The following SLC25A13 variants were observed in gnomAD, a reference collection of about 807,000 sequenced individuals.
The protein encoded by SLC25A13 is solute carrier family 25 member 13.
Under a neutral mutation model 85.5 loss-of-function variants are expected in SLC25A13, and 70 were observed. The ratio of observed to expected loss-of-function variants is 0.82; its 90% CI spans 0.68 to 1.00. SLC25A13 has a LOEUF of 1.00. Ranked by LOEUF, SLC25A13 falls within the 50% of genes least tolerant of loss-of-function variation. The pLI is 0.00. For synonymous variants in SLC25A13, 259 were observed against 288.7 expected (o/e 0.90, Z 1.04); for missense variants, 765 against 819.8 (o/e 0.93, Z 0.82).
chr7:96,318,435 C>T (rs11975076), intron 1 of SLC25A13, among the ~76,000 whole-genome samples: 96,777 of 152,014 alleles, frequency 0.64, 31,175 homozygotes, highest in Non-Finnish European at 0.67. Flanking sequence ...ACAACGCAAA[C>T]AGTACAGGCA....
At chr7:96,293,921 C>A (rs189120014) in intron 2 of SLC25A13, among the ~76,000 whole-genome samples, 29 of 152,262 alleles carry the variant, frequency 1.9e-4, no homozygotes, top group Admixed American at 3.3e-4. Context: ...CCAGCAATCC[C>A]ATTACTGGGT....
intron 4 of SLC25A13, among the ~76,000 whole-genome samples, chr7:96,212,772 C>T (rs939814000): frequency 1.2e-4 from 18 of 152,194 alleles, no homozygotes; most frequent in African/African-American, 3.9e-4. Flanking sequence ...GGGCATGATG[C>T]TATGTTTATG....
rs755341414 is a variant in SLC25A13 at position 96,296,851 on chromosome 7, T to C, written c.69+47A>G. 6.0e-6 allele frequency: 9 copies of C among 1,508,836 alleles called. No individual in the cohort carries two copies. In the Admixed American group the frequency reaches 6.8e-5, roughly 11 times the overall value. 93.5% of individuals were successfully genotyped at this position (1,508,836 alleles called of 1,614,324 possible). ...GTTTGAAAATAATATTTAAAAGTTATAGAACACAAATCAAACAAGAAACAA... is the reference window on the plus strand; with the variant it reads ...GTTTGAAAATAATATTTAAAAGTTACAGAACACAAATCAAACAAGAAACAA... On this transcript the variant is annotated intron_variant, in intron 2 of 17. Coordinates refer to ENST00000265631, the MANE Select transcript of SLC25A13 (RefSeq NM_014251.3).
intron 5 of SLC25A13, among the ~76,000 whole-genome samples, chr7:96,205,098 T>A (rs1458166605): frequency 1.3e-5 from 2 of 152,070 alleles, no homozygotes; most frequent in Non-Finnish European, 1.5e-5. Context: ...TTGGTAGAGA[T>A]GGGGTTTCAC....
intron 3 of SLC25A13, among the ~76,000 whole-genome samples, chr7:96,261,300 A>G (rs1355986118): frequency 3.9e-5 from 6 of 152,186 alleles, no homozygotes; most frequent in African/African-American, 7.2e-5. Context: ...ATAAAAGCAC[A>G]CTGTTTAGAA....
In SLC25A13 at chr7:96,184,311, C is replaced by T. The variant is rs2116629012; in HGVS notation, c.1143G>A (p.Val381=). The change falls in exon 11 of 18, where the codon GTG becomes GTA. Residue 381 remains valine, a synonymous_variant. Coordinates refer to ENST00000265631, the MANE Select transcript of SLC25A13 (RefSeq NM_014251.3). The stretch of plus-strand genomic sequence containing the variant: ...GTCCAAAGAAGCCTTCATAGCGTAG[C>T]ACTTTCTTAAAACAGTCAAAGCTGT... ...YKNSFDCFKK[V]LRYEGFFGLY... 1 of 1,614,174 alleles carries T rather than the reference C, an allele frequency of 6.2e-7. No homozygotes were observed. Among genetic ancestry groups the T allele is most frequent in the Non-Finnish European group, 8.5e-7 (1 of 1,180,030 alleles).
At chr7:96,124,516 T>C (rs967877760) in intron 15 of SLC25A13, among the ~76,000 whole-genome samples, 1 of 152,254 alleles carries the variant, frequency 6.6e-6, no homozygotes, top group Non-Finnish European at 1.5e-5. Context: ...TTATAAAATA[T>C]GCCTGTGTGC....
chr7:96,152,523 T>C (rs916860525), intron 13 of SLC25A13, among the ~76,000 whole-genome samples: 1 of 150,774 alleles, frequency 6.6e-6, no homozygotes, highest in Non-Finnish European at 1.5e-5. Flanking sequence ...GCAAAAAGAG[T>C]GGGTAAGCTC....
intron 14 of SLC25A13, among the ~76,000 whole-genome samples, chr7:96,141,096 C>T (rs1409545970): frequency 1.3e-5 from 2 of 148,320 alleles, no homozygotes; most frequent in Non-Finnish European, 3.0e-5. Flanking sequence ...TCATATAGCT[C>T]ACCGCAGCCT....
chr7:96,280,535 G>A (rs1199117030), intron 2 of SLC25A13, among the ~76,000 whole-genome samples: 1 of 152,076 alleles, frequency 6.6e-6, no homozygotes, highest in Non-Finnish European at 1.5e-5. Context: ...GGGCAAGATG[G>A]CGGAACTCCA....
intron 3 of SLC25A13, among the ~76,000 whole-genome samples, chr7:96,241,032 A>AAAAAG (rs1379443136): frequency 1.9e-4 from 18 of 92,378 alleles, no homozygotes; most frequent in African/African-American, 6.8e-4. Flanking sequence ...AAGAAAAGAA[A>AAAAAG]GAAAGGAAAG....
intron 3 of SLC25A13, among the ~76,000 whole-genome samples, chr7:96,272,543 C>T (rs1798283193): frequency 6.6e-6 from 1 of 152,096 alleles, no homozygotes; most frequent in East Asian, 1.9e-4. Context: ...AAAGTGATTT[C>T]CAGGTCAAAG....
chr7:96,318,722 G>A (rs188985001), intron 1 of SLC25A13, among the ~76,000 whole-genome samples: 6 of 152,310 alleles, frequency 3.9e-5, no homozygotes, highest in Admixed American at 1.3e-4. Flanking sequence ...ACCAAAGAAA[G>A]AAACAGATCA....
intron 3 of SLC25A13, among the ~76,000 whole-genome samples, chr7:96,246,022 T>A (rs1387052223): frequency 6.6e-6 from 1 of 152,236 alleles, no homozygotes; most frequent in Non-Finnish European, 1.5e-5. Context: ...TATGAATTTG[T>A]CAGCGTATAC....
rs80132725 is a variant in SLC25A13, at chr7:96,244,381, C to T, written c.213-9464G>A. Among the ~76,000 whole-genome samples the T allele has an allele frequency of 1.3e-3, 198 of 152,306 alleles. 2 individuals are homozygous for T. Among genetic ancestry groups the T allele is most frequent in the African/African-American group, 4.5e-3 (188 of 41,576 alleles). On this transcript the variant is annotated intron_variant, in intron 3 of 17. Transcript: ENST00000265631. ...CAGCAAGCACACAAACGAAGACTCA[C>T]GACTCCAATTATGCAAATTCATGAC...
At chr7:96,196,396 A>G (rs887595996) in intron 5 of SLC25A13, among the ~76,000 whole-genome samples, 1 of 152,180 alleles carries the variant, frequency 6.6e-6, no homozygotes, top group Non-Finnish European at 1.5e-5. Flanking sequence ...CAAAAATGGC[A>G]CCGCTTTCTC....
intron 13 of SLC25A13, among the ~76,000 whole-genome samples, chr7:96,169,404 A>G (rs938190493): frequency 3.9e-5 from 6 of 152,144 alleles, no homozygotes; most frequent in African/African-American, 1.4e-4. Flanking sequence ...GTCTTTGTAT[A>G]AGAGTTTAAT....
At chr7:96,177,222 T>A (rs1340424837) in intron 11 of SLC25A13, among the ~76,000 whole-genome samples, 1 of 152,190 alleles carries the variant, frequency 6.6e-6, no homozygotes, top group Non-Finnish European at 1.5e-5. Context: ...ATTATGCCTA[T>A]CTTAGAACAG....
intron 13 of SLC25A13, among the ~76,000 whole-genome samples, chr7:96,157,161 G>A (rs917720157): frequency 1.2e-4 from 18 of 152,170 alleles, no homozygotes; most frequent in African/African-American, 4.3e-4. Context: ...TGAAGTCCAA[G>A]CGCCAAGCTT....
Sources: allele counts gnomAD v4.1 joint callset (sites outside exome capture counted in the v4.1 genomes callset), GRCh38; gene constraint gnomAD v4.1.1; transcripts MANE v1.5; gene names NCBI Gene and HGNC (gene_info 2026-07-23, HGNC 2026-07-21).